DOCK4: variants seen among roughly 807,000 people sequenced by gnomAD.
DOCK4 encodes dedicator of cytokinesis protein 4.
DOCK4 carries 97 observed loss-of-function variants against 268.1 expected under a neutral mutation model. The observed-to-expected ratio is 0.36, with a 90% CI of 0.31 to 0.43. The LOEUF is 0.43. DOCK4 is among the 20% of genes least tolerant of loss of function. The pLI, the probability that DOCK4 is intolerant of heterozygous loss-of-function variation, is 1.00. For missense variants in DOCK4, 2,145 were observed against 2,455.7 expected (o/e 0.87, Z 2.67); for synonymous variants, 954 against 887.2 (o/e 1.08, Z -1.34).
At chr7:111,772,824 A>G (rs1798209047) in intron 36 of DOCK4, among the ~76,000 whole-genome samples, 1 of 152,054 alleles carries the variant, frequency 6.6e-6, no homozygotes, top group Non-Finnish European at 1.5e-5. Flanking sequence ...CCCCCAAAAA[A>G]CAAAAAGAGC....
rs1478067294 is a variant in DOCK4, at chr7:112,183,466, G to A, written c.37+22636C>T. 3.3e-5 allele frequency among the ~76,000 whole-genome samples: 5 copies of A among 152,336 alleles called. No homozygotes were observed. In the East Asian group the frequency reaches 7.7e-4, roughly 23 times the overall value. On this transcript the variant is annotated intron_variant, in intron 1 of 52. Coordinates refer to ENST00000428084, the MANE Select transcript of DOCK4 (RefSeq NM_001363540.2). ...AAAACTATGTGACCTTGGCTTTCATGCCTTAGCTGAAAACAGTAAACACAC... is the reference window on the plus strand; with the variant it reads ...AAAACTATGTGACCTTGGCTTTCATACCTTAGCTGAAAACAGTAAACACAC...
chr7:111,785,789 G>A (rs1799123992), intron 32 of DOCK4, among the ~76,000 whole-genome samples: 1 of 152,152 alleles, frequency 6.6e-6, no homozygotes, highest in South Asian at 2.1e-4. Flanking sequence ...ATTGAGCTAG[G>A]GAACCCTGAT....
Position 111,728,261 on chromosome 7 carries a change from A to G in DOCK4, c.*13T>C, listed in dbSNP as rs765356356. ...CGGGCAAAGAATGCATCGCAGGTAC[A>G]TAGAAAAGTGACTTATAACTGAGAG... On this transcript the variant is annotated 3_prime_UTR_variant, in exon 53 of 53. Transcript: ENST00000428084. The G allele has an allele frequency of 3.7e-5, 55 of 1,474,252 alleles. No individual in the cohort carries two copies. The highest frequency in any genetic ancestry group is 4.6e-5 in the Non-Finnish European group (51 of 1,112,012). The allele number at this position is 1,474,252 out of a possible 1,614,324, so 91.3% of individuals were successfully genotyped here. A position where few individuals can be genotyped will look rare whatever the true frequency, so the allele number is the denominator to read the frequency against.
At chr7:111,742,201 C>A in intron 44 of DOCK4, 69 bp from the exon 45 acceptor site, 2 of 1,463,744 alleles carry the variant, frequency 1.4e-6, no homozygotes, top group Non-Finnish European at 1.8e-6. Context: ...TGCTATGGGC[C>A]GAGCACTTTA....
intron 25 of DOCK4, among the ~76,000 whole-genome samples, chr7:111,841,574 T>C (rs536083038): frequency 6.7e-6 from 1 of 148,286 alleles, no homozygotes; most frequent in East Asian, 2.0e-4. Flanking sequence ...TGAGTACTCT[T>C]AAAAAAAAAA....
chr7:111,812,059 T>C lies in DOCK4; in HGVS notation c.2931-110A>G, dbSNP rs1024993186. 1.1e-5 allele frequency: 6 copies of C among 560,892 alleles called. 1 individual carries two copies. Among genetic ancestry groups the C allele is most frequent in the South Asian group, 1.1e-4 (4 of 37,850 alleles). 34.7% of individuals were successfully genotyped at this position (560,892 alleles called of 1,614,324 possible). ...AATAAAACCTTCTTCAGTAAGCATCTGGAGCAATATTAAATAATTCATATT... is the reference window on the plus strand; with the variant it reads ...AATAAAACCTTCTTCAGTAAGCATCCGGAGCAATATTAAATAATTCATATT... On this transcript the variant is annotated intron_variant, in intron 27 of 52. Coordinates refer to ENST00000428084, the MANE Select transcript of DOCK4 (RefSeq NM_001363540.2).
intron 30 of DOCK4, among the ~76,000 whole-genome samples, chr7:111,792,379 T>C (rs1799608568): frequency 6.6e-6 from 1 of 152,046 alleles, no homozygotes; most frequent in South Asian, 2.1e-4. Flanking sequence ...AGAGGGTTTT[T>C]GTTGTTGTTG....
chr7:112,045,993 T>C (rs1804788605), intron 1 of DOCK4, among the ~76,000 whole-genome samples: 1 of 152,252 alleles, frequency 6.6e-6, no homozygotes, highest in Non-Finnish European at 1.5e-5. Context: ...CTATAATGTA[T>C]AAGTTTATAC....
chr7:111,831,248 C>A (rs992049159), intron 26 of DOCK4, among the ~76,000 whole-genome samples: 18 of 152,128 alleles, frequency 1.2e-4, no homozygotes, highest in African/African-American at 3.9e-4. Flanking sequence ...AACACCCAGC[C>A]AATTGTCAAA....
At chr7:111,928,421 G>A (rs1793908641) in intron 12 of DOCK4, among the ~76,000 whole-genome samples, 2 of 151,798 alleles carry the variant, frequency 1.3e-5, no homozygotes, top group Admixed American at 6.6e-5. Flanking sequence ...TTTGGATTTA[G>A]TTTTATTTTT....
At chr7:112,008,442 A>G (rs1801028768) in intron 1 of DOCK4, among the ~76,000 whole-genome samples, 1 of 152,236 alleles carries the variant, frequency 6.6e-6, no homozygotes, top group Non-Finnish European at 1.5e-5. Context: ...ATATAATGAT[A>G]TCAGTTTAGT....
At chr7:111,850,520 C>T (rs1804462542) in intron 23 of DOCK4, among the ~76,000 whole-genome samples, 1 of 152,140 alleles carries the variant, frequency 6.6e-6, no homozygotes, top group Non-Finnish European at 1.5e-5. Context: ...GCTAACCCAT[C>T]ATACCCCCTG....
intron 5 of DOCK4, among the ~76,000 whole-genome samples, chr7:111,990,877 G>A (rs897713513): frequency 6.6e-6 from 1 of 152,198 alleles, no homozygotes; most frequent in Non-Finnish European, 1.5e-5. Flanking sequence ...ATGCATGAAT[G>A]AATAGCTTGA....
At chr7:111,789,854 C>T (rs1799412629) in intron 31 of DOCK4, among the ~76,000 whole-genome samples, 1 of 152,102 alleles carries the variant, frequency 6.6e-6, no homozygotes, top group Admixed American at 6.5e-5. Flanking sequence ...AATTGAAGGA[C>T]CTGGCAGAGC....
intron 1 of DOCK4, among the ~76,000 whole-genome samples, chr7:112,136,526 G>A (rs961038763): frequency 6.6e-6 from 1 of 152,196 alleles, no homozygotes; most frequent in African/African-American, 2.4e-5. Flanking sequence ...CCTTTGCTGG[G>A]GGATGATGTG....
chr7:111,735,151 A>G lies in DOCK4; in HGVS notation c.5322T>C (p.Pro1774=), dbSNP rs1795386312. 6.3e-7 allele frequency: 1 copy of G among 1,590,944 alleles called. No individual in the cohort carries two copies. The highest frequency in any genetic ancestry group is 1.8e-5 in the Admixed American group (1 of 56,598). The part of the protein sequence containing the change: ...SAPEKAVNPT[P]SSWSLDSGKE... ...TCCCACTGTCCAGGCTCCAGCTGCT[A>G]GGGGTGGGGTTCACAGCTGGAAGGG... The change falls in exon 51 of 53, where the codon CCT becomes CCC. Residue 1774 remains proline, a synonymous_variant. Transcript: ENST00000428084.
intron 15 of DOCK4, among the ~76,000 whole-genome samples, chr7:111,898,451 C>T (rs1790851100): frequency 6.6e-6 from 1 of 152,214 alleles, no homozygotes; most frequent in African/African-American, 2.4e-5. Flanking sequence ...CTTCACTGCA[C>T]TTCATCACTT....
In DOCK4 at chr7:111,922,140, C is replaced by A. The variant is rs1041595957; in HGVS notation, c.1067-6236G>T. Among the ~76,000 whole-genome samples, 14 of 152,168 alleles carry A rather than the reference C, an allele frequency of 9.2e-5. No homozygotes were observed. The East Asian group carries it at 2.7e-3, about 29-fold the overall frequency. ...CCTCAGATACTAGTAAGTCAACGCT[C>A]TGAACAAGTGACAAATTCTGAAATA... On this transcript the variant is annotated intron_variant, in intron 12 of 52. Transcript: ENST00000428084.
intron 36 of DOCK4, among the ~76,000 whole-genome samples, chr7:111,772,593 C>A (rs1179342327): frequency 6.6e-6 from 1 of 151,986 alleles, no homozygotes; most frequent in South Asian, 2.1e-4. Context: ...GTCAGTAGTT[C>A]GAGACCAGCC....
Sources: allele counts gnomAD v4.1 joint callset (sites outside exome capture counted in the v4.1 genomes callset), GRCh38; gene constraint gnomAD v4.1.1; transcripts MANE v1.5; gene names NCBI Gene and HGNC (gene_info 2026-07-23, HGNC 2026-07-21).